The following CCDC7 variants were observed in gnomAD, a reference collection of about 807,000 sequenced individuals.
CCDC7 encodes the protein coiled-coil domain containing 7.
CCDC7 carries 183 observed loss-of-function variants against 196.9 expected under a neutral mutation model. The ratio of observed to expected loss-of-function variants is 0.93; its 90% CI spans 0.82 to 1.05. The LOEUF is 1.05. Among genes scored for constraint, CCDC7 ranks in the 50% least tolerant of loss-of-function variants. The probability of loss-of-function intolerance (pLI) is 0.00; values close to 1 mark genes in which losing one functional copy is unlikely to be tolerated. For missense variants in CCDC7, 1,540 were observed against 1,482.2 expected (o/e 1.04, Z -0.64); for synonymous variants, 525 against 484.6 (o/e 1.08, Z -1.10).
At chr10:32,725,461 T>C (rs1370787947) in intron 25 of CCDC7, 1 of 463,748 alleles carries the variant, frequency 2.2e-6, no homozygotes, top group Non-Finnish European at 4.5e-6. Context: ...TTAGTTTCCT[T>C]TCAGTTTTAG....
At chr10:32,818,824 G>A (rs1203003949) in intron 31 of CCDC7, among the ~76,000 whole-genome samples, 2 of 152,130 alleles carry the variant, frequency 1.3e-5, no homozygotes, top group Non-Finnish European at 2.9e-5. Context: ...AGTGTGTAGA[G>A]GGAAATTTAT....
chr10:32,726,778 A>G lies in CCDC7; in HGVS notation c.2614A>G (p.Lys872Glu), dbSNP rs762701041. The G allele has an allele frequency of 1.2e-6, 2 of 1,604,886 alleles. 1 individual carries two copies. The highest frequency in any genetic ancestry group is 1.7e-6 in the Non-Finnish European group (2 of 1,173,618). ...GTTTGTTCATCAAGATTCAGTGTCAAAACTCCAAATGCAAGAAAAGAAAAA... is the reference window on the plus strand; with the variant it reads ...GTTTGTTCATCAAGATTCAGTGTCAGAACTCCAAATGCAAGAAAAGAAAAA... The change falls in exon 26 of 42, where the codon AAA becomes GAA. Residue 872 changes from lysine to glutamate, a missense_variant. By Grantham distance (56) the Lys-to-Glu change is moderately conservative. Transcript: ENST00000639629.
chr10:32,679,399 G>A (rs939358058), intron 21 of CCDC7, among the ~76,000 whole-genome samples: 4 of 152,120 alleles, frequency 2.6e-5, no homozygotes, highest in Non-Finnish European at 4.4e-5. Flanking sequence ...TGCTGTTTGG[G>A]TTGCTTGTTG....
chr10:32,632,202 A>G (rs188110149), intron 18 of CCDC7, among the ~76,000 whole-genome samples: 74 of 151,650 alleles, frequency 4.9e-4, no homozygotes, highest in Non-Finnish European at 8.0e-4. Context: ...CAGAAGTGAT[A>G]AGACATCCTT....
intron 11 of CCDC7, among the ~76,000 whole-genome samples, chr10:32,539,412 T>C (rs2051035775): frequency 6.6e-6 from 1 of 152,138 alleles, no homozygotes; most frequent in African/African-American, 2.4e-5. Flanking sequence ...TATCAGGATC[T>C]TCTCTCTGTT....
intron 33 of CCDC7, among the ~76,000 whole-genome samples, chr10:32,838,733 A>G (rs894945230): frequency 6.6e-6 from 1 of 152,074 alleles, no homozygotes; most frequent in Non-Finnish European, 1.5e-5. Context: ...GCTGCGAGGC[A>G]AAAGCATAAG....
chr10:32,844,777 T>G (rs2093180964), intron 33 of CCDC7, among the ~76,000 whole-genome samples: 1 of 151,842 alleles, frequency 6.6e-6, no homozygotes, highest in Non-Finnish European at 1.5e-5. Flanking sequence ...TAGGCTTATA[T>G]GAGTTCTAAT....
intron 18 of CCDC7, among the ~76,000 whole-genome samples, chr10:32,613,528 C>T (rs1590611018): frequency 6.6e-6 from 1 of 152,052 alleles, no homozygotes; most frequent in African/African-American, 2.4e-5. Context: ...TAGATCTTTC[C>T]TGCTTTCTCA....
chr10:32,766,262 A>C (rs1283071682), intron 28 of CCDC7, among the ~76,000 whole-genome samples: 1 of 152,052 alleles, frequency 6.6e-6, no homozygotes, highest in African/African-American at 2.4e-5. Flanking sequence ...CCAAAAAAAC[A>C]GGTATAATGC....
At chr10:32,668,186 A>G (rs1232075345) in intron 21 of CCDC7, among the ~76,000 whole-genome samples, 1 of 152,150 alleles carries the variant, frequency 6.6e-6, no homozygotes, top group South Asian at 2.1e-4. Flanking sequence ...TTATTGGTGT[A>G]TAAGAATGCT....
intron 29 of CCDC7, among the ~76,000 whole-genome samples, chr10:32,782,827 G>A (rs1361161206): frequency 2.0e-5 from 3 of 152,184 alleles, no homozygotes; most frequent in Non-Finnish European, 4.4e-5. Flanking sequence ...ATAGAATTGA[G>A]AGACTGGAAT....
At chr10:32,747,242 A>G (rs1259092969) in intron 28 of CCDC7, among the ~76,000 whole-genome samples, 2 of 152,218 alleles carry the variant, frequency 1.3e-5, no homozygotes, top group African/African-American at 2.4e-5. Flanking sequence ...ACTTAAATGT[A>G]AAACCTACAA....
intron 20 of CCDC7, among the ~76,000 whole-genome samples, chr10:32,649,278 C>T (rs1393644281): frequency 1.3e-5 from 2 of 152,096 alleles, no homozygotes; most frequent in African/African-American, 2.4e-5. Flanking sequence ...ATGTAACAAA[C>T]CTGCACATCC....
chr10:32,524,676 C>T (rs2048391015), intron 11 of CCDC7, among the ~76,000 whole-genome samples: 1 of 152,124 alleles, frequency 6.6e-6, no homozygotes, highest in Non-Finnish European at 1.5e-5. Flanking sequence ...AAGGTTTTTT[C>T]CTTCAGATCA....
intron 41 of CCDC7, among the ~76,000 whole-genome samples, chr10:32,870,582 C>G (rs1348135096): frequency 6.6e-6 from 1 of 151,940 alleles, no homozygotes; most frequent in Non-Finnish European, 1.5e-5. Flanking sequence ...ATTGAATACC[C>G]TTTATTTCCT....
intron 18 of CCDC7, among the ~76,000 whole-genome samples, chr10:32,610,513 C>G (rs1255753024): frequency 6.6e-6 from 1 of 152,120 alleles, no homozygotes; most frequent in Non-Finnish European, 1.5e-5. Flanking sequence ...TAGTGGCTTG[C>G]TGCACCCATC....
chr10:32,711,376 G>A (rs1343144572), intron 24 of CCDC7, among the ~76,000 whole-genome samples: 1 of 151,844 alleles, frequency 6.6e-6, no homozygotes, highest in African/African-American at 2.4e-5. Flanking sequence ...AATAACTTAA[G>A]GAAAGTAGAG....
chr10:32,758,155 G>A (rs996320757), intron 28 of CCDC7, among the ~76,000 whole-genome samples: 19 of 152,190 alleles, frequency 1.2e-4, no homozygotes, highest in African/African-American at 4.1e-4. Flanking sequence ...ATTCACAACC[G>A]AATTCTACCA....
chr10:32,454,235 A>G (rs2033793972), intron 2 of CCDC7, among the ~76,000 whole-genome samples: 1 of 152,172 alleles, frequency 6.6e-6, no homozygotes, highest in Non-Finnish European at 1.5e-5. Flanking sequence ...AGCTTTTTGA[A>G]ATGATGGAAA....
Sources: allele counts gnomAD v4.1 joint callset (sites outside exome capture counted in the v4.1 genomes callset), GRCh38; gene constraint gnomAD v4.1.1; transcripts MANE v1.5; gene names NCBI Gene and HGNC (gene_info 2026-07-23, HGNC 2026-07-21).